Variants in RTTN observed in about 807,000 individuals in gnomAD.
RTTN encodes rotatin.
Under a neutral mutation model 269.2 loss-of-function variants are expected in RTTN, and 182 were observed. The observed-to-expected ratio is 0.68, with a 90% CI of 0.60 to 0.76. The LOEUF is 0.76. RTTN is among the 30% of genes least tolerant of loss of function. The pLI, the probability that RTTN is intolerant of heterozygous loss-of-function variation, is 0.00. For synonymous variants in RTTN, 1,006 were observed against 963.5 expected, an observed-to-expected ratio of 1.04 and a Z score of -0.82; for missense variants, 2,545 against 2,608.6, an observed-to-expected ratio of 0.98 and a Z score of 0.53.
At chr18:70,197,101 C>T (rs1427522341) in intron 6 of RTTN, among the ~76,000 whole-genome samples, 2 of 152,174 alleles carry the variant, frequency 1.3e-5, no homozygotes, top group East Asian at 3.9e-4. Context: ...CACTGGAGTC[C>T]ATTTCAGCCC....
At chr18:70,205,512 G>A (rs1217663239) in intron 1 of RTTN, 116 bp downstream of exon 1, 2 of 1,435,360 alleles carry the variant, frequency 1.4e-6, no homozygotes, top group African/African-American at 2.8e-5. Context: ...TGACAAAGCG[G>A]GGGTGAAAGA....
chr18:70,157,540 T>C (rs985365426), intron 14 of RTTN, among the ~76,000 whole-genome samples: 3 of 152,224 alleles, frequency 2.0e-5, no homozygotes, highest in African/African-American at 7.2e-5. Context: ...GTAAGAATTC[T>C]GGCAATTCTA....
At chr18:70,072,933 A>G (rs2058335015) in intron 34 of RTTN, among the ~76,000 whole-genome samples, 1 of 152,134 alleles carries the variant, frequency 6.6e-6, no homozygotes, top group East Asian at 1.9e-4. Flanking sequence ...CAAAGGTCCA[A>G]TGTAGCACTA....
At position 70,020,653 on chromosome 18, in the gene RTTN, G is replaced by A; in HGVS notation, c.6115C>T (p.Leu2039=). 1 of 1,614,022 alleles carries A rather than the reference G, an allele frequency of 6.2e-7. No homozygotes were observed. The change falls in exon 45 of 49, where the codon CTG becomes TTG. Residue 2039 remains leucine, a synonymous_variant. Coordinates refer to ENST00000640769, the MANE Select transcript of RTTN (RefSeq NM_173630.4). The part of the protein sequence containing the change: ...QQMVFMLLSN[L]ALSHDCKGVI... ...CCTTTACAGTCATGCGACAAGGCCA[G>A]GTTTGAAAGAAGCATAAAAACCATC...
intron 10 of RTTN, among the ~76,000 whole-genome samples, chr18:70,186,148 T>C (rs1408573284): frequency 1.3e-5 from 2 of 150,358 alleles, no homozygotes; most frequent in Non-Finnish European, 2.9e-5. Context: ...TCCATAGGAA[T>C]GTTATTTGTA....
At chr18:70,016,602 C>T (rs1225733725) in intron 46 of RTTN, among the ~76,000 whole-genome samples, 1 of 152,178 alleles carries the variant, frequency 6.6e-6, no homozygotes, top group East Asian at 1.9e-4. Flanking sequence ...AGAGATAACA[C>T]ATGGTTGCAG....
Position 70,169,008 on chromosome 18 carries a change from C to A in RTTN, c.1536G>T (p.Met512Ile). The change falls in exon 12 of 49, where the codon ATG becomes ATT. Residue 512 changes from methionine to isoleucine, a missense_variant. By Grantham distance (10) the Met-to-Ile change is conservative. Transcript: ENST00000640769. The part of the protein sequence containing the change: ...STALFLLSLD[M>I]PISLEYPNIH... ...TATTTGGATATTCCAAAGAAATAGG[C>A]ATGTCCAAAGAAAGGAGAAATAATG... 6.2e-7 allele frequency: 1 copy of A among 1,612,818 alleles called. No homozygotes were observed. The highest frequency in any genetic ancestry group is 8.5e-7 in the Non-Finnish European group (1 of 1,179,708).
chr18:70,056,698 G>A (rs1350457268), intron 37 of RTTN, among the ~76,000 whole-genome samples: 1 of 152,028 alleles, frequency 6.6e-6, no homozygotes. Flanking sequence ...CAACCTCAGG[G>A]GTCTTGCAAT....
chr18:70,088,186 C>T, intron 30 of RTTN, 39 bp from the exon 31 acceptor site: 1 of 1,549,628 alleles, frequency 6.5e-7, no homozygotes, highest in African/African-American at 1.4e-5. Flanking sequence ...ATCAAATAAG[C>T]CTTTTTCCTA....
intron 10 of RTTN, among the ~76,000 whole-genome samples, chr18:70,179,550 C>A (rs1002467892): frequency 5.3e-5 from 8 of 152,126 alleles, no homozygotes; most frequent in African/African-American, 1.9e-4. Context: ...TTTTTTAATT[C>A]TTTGGGCTAA....
At chr18:70,026,745 C>A (rs1205733843) in intron 43 of RTTN, among the ~76,000 whole-genome samples, 1 of 152,090 alleles carries the variant, frequency 6.6e-6, no homozygotes, top group East Asian at 1.9e-4. Context: ...AAGATATGAC[C>A]TTGGTTTTCA....
chr18:70,143,595 G>A (rs1327162065), intron 18 of RTTN, among the ~76,000 whole-genome samples: 2 of 152,092 alleles, frequency 1.3e-5, no homozygotes, highest in Non-Finnish European at 2.9e-5. Context: ...GGGCCTGCCT[G>A]AGGGTGGGGG....
intron 14 of RTTN, among the ~76,000 whole-genome samples, chr18:70,161,640 A>C (rs2060833718): frequency 6.6e-6 from 1 of 152,230 alleles, no homozygotes; most frequent in African/African-American, 2.4e-5. Flanking sequence ...TAAGGAACTT[A>C]AATCAACAAG....
chr18:70,190,660 A>G lies in RTTN; in HGVS notation c.1067T>C (p.Met356Thr), dbSNP rs776381467. The part of the protein sequence containing the change: ...SRISVHSPLD[M>T]GHIDLPELET... ...CAGCTCTGGCAGATCTATGTGTCCC[A>G]TATCCAAAGGTGAATGAACGGATAT... Residue 356 changes from methionine to threonine, a missense_variant, in exon 9 of 49, where the codon ATG (methionine) becomes ACG (threonine). Coordinates refer to ENST00000640769, the MANE Select transcript of RTTN (RefSeq NM_173630.4). 6 of 1,613,644 alleles carry G rather than the reference A, an allele frequency of 3.7e-6. No homozygotes were observed. The highest frequency in any genetic ancestry group is 4.5e-5 in the East Asian group (2 of 44,872).
chr18:70,089,487 C>A (rs936977851), intron 30 of RTTN, among the ~76,000 whole-genome samples: 1 of 152,008 alleles, frequency 6.6e-6, no homozygotes, highest in East Asian at 1.9e-4. Context: ...GTTATGGAAG[C>A]CTGAGCACAC....
At position 70,193,071 on chromosome 18, in the gene RTTN, A is replaced by G. The variant is rs891358296; in HGVS notation, c.1007+217T>C. 1.0e-5 allele frequency: 5 copies of G among 492,350 alleles called. No individual in the cohort carries two copies. The Admixed American group carries it at 1.1e-4, about 11-fold the overall frequency. 30.5% of individuals were successfully genotyped at this position (492,350 alleles called of 1,614,324 possible). A position where few individuals can be genotyped will look rare whatever the true frequency, so the allele number is the denominator to read the frequency against. The stretch of plus-strand genomic sequence containing the variant: ...AAACAGAGCATATGTTCAAGTACTG[A>G]GCACTGAGTTGCGATGTAATATTTA... On this transcript the variant is annotated intron_variant, in intron 8 of 48. Coordinates refer to ENST00000640769, the MANE Select transcript of RTTN (RefSeq NM_173630.4).
At chr18:70,024,964 G>T in intron 43 of RTTN, 116 bp from the exon 44 acceptor site, 1 of 1,171,522 alleles carries the variant, frequency 8.5e-7, no homozygotes. Flanking sequence ...CCTGTGGATG[G>T]CTTCAGCATC....
At chr18:70,153,387 T>C (rs1432581556) in intron 14 of RTTN, among the ~76,000 whole-genome samples, 1 of 152,148 alleles carries the variant, frequency 6.6e-6, no homozygotes, top group Non-Finnish European at 1.5e-5. Flanking sequence ...CCTATCAGAA[T>C]ATAAGCTCTC....
At chr18:70,157,698 C>T (rs113762639) in intron 14 of RTTN, among the ~76,000 whole-genome samples, 117 of 152,176 alleles carry the variant, frequency 7.7e-4, no homozygotes, top group African/African-American at 2.4e-3. Flanking sequence ...GAAGCCCCAC[C>T]CATGGAAACC....
Sources: allele counts gnomAD v4.1 joint callset (sites outside exome capture counted in the v4.1 genomes callset), GRCh38; gene constraint gnomAD v4.1.1; transcripts MANE v1.5; gene names NCBI Gene and HGNC (gene_info 2026-07-23, HGNC 2026-07-21).